Variants in FAM111B observed in about 807,000 individuals in gnomAD.
FAM111B encodes the protein FAM111 trypsin like peptidase B.
Under a neutral mutation model 2.8 loss-of-function variants are expected in FAM111B, and 1 was observed. That is an observed-to-expected ratio of 0.36 (90% CI 0.13 to 1.70). The LOEUF is 1.70. Ranked by LOEUF, FAM111B falls within the 40% of genes most tolerant of loss-of-function variation. The probability of loss-of-function intolerance (pLI) is 0.35; values close to 1 mark genes in which losing one functional copy is unlikely to be tolerated. For synonymous variants in FAM111B, 297 were observed against 295.6 expected (o/e 1.00, Z -0.05); for missense variants, 882 against 878.9 (o/e 1.00, Z -0.04).
intron 1 of FAM111B, among the ~76,000 whole-genome samples, chr11:59,108,133 T>TGG (rs1414743460): frequency 6.6e-6 from 1 of 152,142 alleles, no homozygotes; most frequent in African/African-American, 2.4e-5. Context: ...TCTGTGAGGG[T>TGG]GGGATCTGGA....
At chr11:59,117,899 C>T (rs533932682) in intron 3 of FAM111B, among the ~76,000 whole-genome samples, 5 of 152,278 alleles carry the variant, frequency 3.3e-5, no homozygotes, top group East Asian at 1.9e-4. Flanking sequence ...AAAGAAGCAA[C>T]GAAAGCATAG....
At chr11:59,119,769 G>A (rs1859892990) in intron 3 of FAM111B, among the ~76,000 whole-genome samples, 1 of 152,018 alleles carries the variant, frequency 6.6e-6, no homozygotes, top group Non-Finnish European at 1.5e-5. Context: ...GAATAGAGGA[G>A]TGCTCACTAT....
chr11:59,122,129 G>A (rs1006672083), intron 3 of FAM111B, among the ~76,000 whole-genome samples: 4 of 152,146 alleles, frequency 2.6e-5, no homozygotes, highest in African/African-American at 9.7e-5. Context: ...GCGACAGAGC[G>A]AGACTCCGTC....
At chr11:59,107,509 G>C (rs1859682047) in intron 1 of FAM111B, among the ~76,000 whole-genome samples, 1 of 152,206 alleles carries the variant, frequency 6.6e-6, no homozygotes, top group Non-Finnish European at 1.5e-5. Flanking sequence ...GGGTGTTCCT[G>C]AATCTCGAGA....
At chr11:59,121,726 AT>A (rs1667608519) in intron 3 of FAM111B, among the ~76,000 whole-genome samples, 2 of 152,258 alleles carry the variant, frequency 1.3e-5, no homozygotes, top group Non-Finnish European at 2.9e-5. Flanking sequence ...TCATAGCAAA[AT>A]TAGCCACTGC....
Position 59,126,021 on chromosome 11 carries a change from G to C in FAM111B, c.1924G>C (p.Asp642His), listed in dbSNP as rs750262307. Residue 642 changes from aspartate (D) to histidine (H), a missense_variant, in exon 4 of 4, where the codon GAT (aspartate) becomes CAT (histidine). Transcript: ENST00000343597. Reference protein sequence around the residue: ...EVWNTHTLSYDTCFSDGSSGS... With the variant: ...EVWNTHTLSYHTCFSDGSSGS... ...TTGGAACACACACACGCTTAGTTAT[G>C]ATACTTGTTTCTCTGATGGGTCCTC... is the stretch of plus-strand genomic sequence containing the variant. The C allele has an allele frequency of 6.2e-7, 1 of 1,613,802 alleles. No homozygotes were observed. Among genetic ancestry groups the C allele is most frequent in the Non-Finnish European group, 8.5e-7 (1 of 1,179,874 alleles).
At chr11:59,109,441 G>T (rs1295117533) in intron 2 of FAM111B, 99 bp from the exon 3 acceptor site, 10 of 477,568 alleles carry the variant, frequency 2.1e-5, no homozygotes, top group African/African-American at 3.9e-5. Context: ...TACCTCATAT[G>T]ATTTTCTTCT....
At position 59,124,842 on chromosome 11, in the gene FAM111B, A is replaced by G. The variant is rs1859989323; in HGVS notation, c.745A>G (p.Ile249Val). Reference sequence around the variant, plus strand: ...GAAACTAAAGGAAGGTCATAAGAAAATTTATGGAAAACAGTCCATGGTGGA... The same window carrying G: ...GAAACTAAAGGAAGGTCATAAGAAAGTTTATGGAAAACAGTCCATGGTGGA... ...EWKLKEGHKK[I>V]YGKQSMVDEV... Residue 249 changes from isoleucine (I) to valine (V), a missense_variant, in exon 4 of 4, where the codon ATT (isoleucine) becomes GTT (valine). By Grantham distance (29) the Ile-to-Val change is conservative. Transcript: ENST00000343597. The G allele has an allele frequency of 6.2e-7, 1 of 1,613,848 alleles. No individual in the cohort carries two copies. Among genetic ancestry groups the G allele is most frequent in the South Asian group, 1.1e-5 (1 of 91,042 alleles).
At chr11:59,114,402 A>C (rs1220910467) in intron 3 of FAM111B, among the ~76,000 whole-genome samples, 1 of 152,014 alleles carries the variant, frequency 6.6e-6, no homozygotes, top group African/African-American at 2.4e-5. Context: ...GCTAAAGAGG[A>C]GGGGGCCTGC....
chr11:59,117,641 A>G (rs1859858198), intron 3 of FAM111B, among the ~76,000 whole-genome samples: 1 of 152,136 alleles, frequency 6.6e-6, no homozygotes, highest in South Asian at 2.1e-4. Flanking sequence ...TCTGGACCCT[A>G]CCACCTCCCT....
At position 59,124,573 on chromosome 11, in the gene FAM111B, C is replaced by A. The variant is rs879028584; in HGVS notation, c.476C>A (p.Thr159Lys). The change falls in exon 4 of 4, where the codon ACA (threonine) becomes AAA (lysine). Residue 159 changes from threonine (T) to lysine (K), a missense_variant. Transcript: ENST00000343597. ...CCTAGTGATTCTCATTTTAAAATTA[C>A]ATTTGGTCAAAGAAAGAGTAGCAAA... ...CLPSDSHFKITFGQRKSSKED... is the reference protein window; with the variant it reads ...CLPSDSHFKIKFGQRKSSKED... 3 of 1,613,560 alleles carry A rather than the reference C, an allele frequency of 1.9e-6. No homozygotes were observed. Among genetic ancestry groups the A allele is most frequent in the Non-Finnish European group, 2.5e-6 (3 of 1,179,688 alleles).
At position 59,124,903 on chromosome 11, in the gene FAM111B, C is replaced by CA. The variant is rs761176801; in HGVS notation, c.816dup (p.Ala273SerfsTer9). On this transcript the variant is annotated frameshift_variant, in exon 4 of 4. Coordinates refer to ENST00000343597, the MANE Select transcript of FAM111B (RefSeq NM_198947.4). LOFTEE classifies it low-confidence loss of function (END_TRUNC). ...GGAAAAGTCTTAGAAATGGACATTT[C>CA]AAAAAAAAAAGCATTACAACAGAAA... is the stretch of plus-strand genomic sequence containing the variant. 1,831 of 1,416,642 alleles carry CA rather than the reference C, an allele frequency of 1.3e-3. No individual in the cohort carries two copies. Among genetic ancestry groups the CA allele is most frequent in the African/African-American group, 2.5e-3 (166 of 65,236 alleles). 87.8% of individuals were successfully genotyped at this position (1,416,642 alleles called of 1,614,324 possible).
rs117925742 is a variant in FAM111B, at chr11:59,108,350, C to T, written c.-131-318C>T. 8.1e-3 allele frequency among the ~76,000 whole-genome samples: 1,239 copies of T among 152,354 alleles called. 3 individuals carry two copies. The highest frequency in any genetic ancestry group is 0.014 in the Non-Finnish European group (965 of 68,024). ...CTCAGCTGCTGCTCTGATCAGTACA[C>T]AGCTGAATGCTTTAGGGGAACCCTC... is the stretch of plus-strand genomic sequence containing the variant. On this transcript the variant is annotated intron_variant, in intron 1 of 3. Coordinates refer to ENST00000343597, the MANE Select transcript of FAM111B (RefSeq NM_198947.4).
In FAM111B at chr11:59,125,732, T is replaced by A; in HGVS notation, c.1635T>A (p.Tyr545Ter). 1 of 1,613,804 alleles carries A rather than the reference T, an allele frequency of 6.2e-7. No homozygotes were observed. The highest frequency in any genetic ancestry group is 8.5e-7 in the Non-Finnish European group (1 of 1,179,806). The part of the protein sequence containing the change: ...WLKVSNENLD[Y>*]AILKLKENGN... ...AAGTGTCCAATGAAAATCTAGATTA[T>A]GCCATTTTAAAACTAAAAGAAAATG... is the stretch of plus-strand genomic sequence containing the variant. Residue 545 changes from tyrosine to a stop codon, truncating the protein, a stop_gained, in exon 4 of 4, where the codon TAT becomes TAA. Transcript: ENST00000343597. LOFTEE classifies it low-confidence loss of function (END_TRUNC).
chr11:59,116,080 T>C (rs568962598), intron 3 of FAM111B, among the ~76,000 whole-genome samples: 1 of 152,324 alleles, frequency 6.6e-6, no homozygotes, highest in African/African-American at 2.4e-5. Context: ...GCTGTGAATG[T>C]GGTCAATTCC....
At chr11:59,121,419 T>C (rs924979406) in intron 3 of FAM111B, among the ~76,000 whole-genome samples, 14 of 152,178 alleles carry the variant, frequency 9.2e-5, no homozygotes, top group Non-Finnish European at 1.5e-4. Flanking sequence ...CCCACAAGAT[T>C]GGTAAACATT....
intron 3 of FAM111B, among the ~76,000 whole-genome samples, chr11:59,121,718 A>G (rs10896924): frequency 2.0e-5 from 3 of 152,132 alleles, no homozygotes; most frequent in Non-Finnish European, 1.5e-5. Context: ...GAGGATATTC[A>G]TAGCAAAATT....
At position 59,109,636 on chromosome 11, in the gene FAM111B, T is replaced by C. The variant is rs1555011928; in HGVS notation, c.11T>C (p.Met4Thr). 1.2e-6 allele frequency: 2 copies of C among 1,609,644 alleles called. No individual in the cohort carries two copies. Among genetic ancestry groups the C allele is most frequent in the Non-Finnish European group, 1.7e-6 (2 of 1,177,356 alleles). The change falls in exon 3 of 4, where the codon ATG becomes ACG. Residue 4 changes from methionine (M) to threonine (T), a missense_variant. By Grantham distance (81) the Met-to-Thr change is moderately conservative (BLOSUM62 -1). Coordinates refer to ENST00000343597, the MANE Select transcript of FAM111B (RefSeq NM_198947.4). MNS[M>T]KTEENKSFSA... ...CTCTTTGAACTCATCATGAATTCCA[T>C]GAAGACTGAAGAAAACAAGTCATTT...
At chr11:59,108,996 C>T (rs190860434) in intron 2 of FAM111B, among the ~76,000 whole-genome samples, 50 of 152,156 alleles carry the variant, frequency 3.3e-4, no homozygotes, top group African/African-American at 1.2e-3. Flanking sequence ...TAGGTGGGAG[C>T]AGAACTAGGG....
Sources: allele counts gnomAD v4.1 joint callset (sites outside exome capture counted in the v4.1 genomes callset), GRCh38; gene constraint gnomAD v4.1.1; transcripts MANE v1.5; gene names NCBI Gene and HGNC (gene_info 2026-07-23, HGNC 2026-07-21).